The following ADAMTSL3 variants were observed in gnomAD, a reference collection of about 807,000 sequenced individuals.
ADAMTSL3 encodes the protein ADAMTS like 3, also known as ADAMTS-like protein 3.
A neutral mutation model predicts 201.7 loss-of-function variants in ADAMTSL3; 128 were observed. That is an observed-to-expected ratio of 0.63 (90% CI 0.55 to 0.73). The LOEUF (loss-of-function observed/expected upper bound fraction) is 0.73, where lower values mean the gene tolerates loss of function less well. ADAMTSL3 is among the 30% of genes least tolerant of loss of function. The probability of loss-of-function intolerance (pLI) is 0.00; values close to 1 mark genes in which losing one functional copy is unlikely to be tolerated. For synonymous variants in ADAMTSL3, 738 were observed against 748.4 expected, an observed-to-expected ratio of 0.99 and a Z score of 0.23; for missense variants, 1,990 against 2,119.6, an observed-to-expected ratio of 0.94 and a Z score of 1.20.
intron 19 of ADAMTSL3, chr15:83,945,661 G>C (rs1326643806): frequency 6.6e-6 from 1 of 152,172 alleles, no homozygotes; most frequent in Admixed American, 6.5e-5. Flanking sequence ...CATAAAGTTA[G>C]GGACAGAAGG....
chr15:83,918,009 AT>A (rs1379046906), intron 16 of ADAMTSL3, among the ~76,000 whole-genome samples: 1 of 152,188 alleles, frequency 6.6e-6, no homozygotes, highest in Non-Finnish European at 1.5e-5. Context: ...CTTTTTAAAA[AT>A]CTGACTAAAT....
Position 83,902,592 on chromosome 15 carries a change from T to A in ADAMTSL3, c.1700+2861T>A, listed in dbSNP as rs376677229. ...GCCAAGTCTAATTCTTTCTTTGCAA[T>A]GTTCAGAATATCCAAATGTCTCCCC... is the stretch of plus-strand genomic sequence containing the variant. On this transcript the variant is annotated intron_variant, in intron 15 of 29. Coordinates refer to ENST00000286744, the MANE Select transcript of ADAMTSL3 (RefSeq NM_207517.3). 2.0e-5 allele frequency among the ~76,000 whole-genome samples: 3 copies of A among 152,126 alleles called. No individual in the cohort carries two copies. The East Asian group carries it at 5.8e-4, about 29-fold the overall frequency.
intron 15 of ADAMTSL3, among the ~76,000 whole-genome samples, chr15:83,903,793 T>C (rs12914581): frequency 0.14 from 20,557 of 149,912 alleles, 1,861 homozygotes; most frequent in Middle Eastern, 0.33. Context: ...TGGTACATGC[T>C]TGTAGTCCCA....
intron 4 of ADAMTSL3, among the ~76,000 whole-genome samples, chr15:83,786,487 T>G (rs2141811076): frequency 6.6e-6 from 1 of 152,346 alleles, no homozygotes; most frequent in African/African-American, 2.4e-5. Flanking sequence ...TATTTTAAAA[T>G]GTACAATAAA....
At chr15:83,672,683 A>G (rs2061343398) in intron 2 of ADAMTSL3, among the ~76,000 whole-genome samples, 1 of 152,298 alleles carries the variant, frequency 6.6e-6, no homozygotes, top group East Asian at 1.9e-4. Flanking sequence ...GTTCAACCCA[A>G]ATTCCTTTCA....
intron 6 of ADAMTSL3, among the ~76,000 whole-genome samples, chr15:83,834,392 C>T (rs904831946): frequency 1.3e-5 from 2 of 152,178 alleles, no homozygotes; most frequent in African/African-American, 4.8e-5. Context: ...CTGACTACCA[C>T]AGCTCCATAT....
intron 3 of ADAMTSL3, among the ~76,000 whole-genome samples, chr15:83,732,041 A>C (rs1312378066): frequency 6.6e-6 from 1 of 152,082 alleles, no homozygotes; most frequent in Non-Finnish European, 1.5e-5. Flanking sequence ...AAATTTCACC[A>C]CACATACACA....
At chr15:84,028,593 G>T (rs950346359) in intron 27 of ADAMTSL3, among the ~76,000 whole-genome samples, 1 of 152,080 alleles carries the variant, frequency 6.6e-6, no homozygotes, top group African/African-American at 2.4e-5. Context: ...ACCCAAACTT[G>T]GCAGACATTT....
chr15:83,695,227 AATGTGTGTGTGTGTGTGTG>A (rs2061668021), intron 2 of ADAMTSL3, among the ~76,000 whole-genome samples: 6 of 474 alleles, frequency 0.013, no homozygotes, highest in African/African-American at 0.052. Context: ...GTGTGTGTGT[AATGTGTGTGTGTGTGTGTG>A]TGTGTGTGTG....
intron 6 of ADAMTSL3, among the ~76,000 whole-genome samples, chr15:83,831,063 A>G (rs1197065257): frequency 2.6e-5 from 4 of 152,342 alleles, no homozygotes; most frequent in African/African-American, 9.6e-5. Flanking sequence ...CAAAGGGGAC[A>G]GATTTTTGTG....
chr15:83,774,392 C>A (rs1224985213), intron 4 of ADAMTSL3, among the ~76,000 whole-genome samples: 2 of 152,322 alleles, frequency 1.3e-5, no homozygotes, highest in East Asian at 3.9e-4. Context: ...GCAGGGAGAG[C>A]ATATTTTGGC....
At chr15:83,769,774 A>T (rs1052012667) in intron 3 of ADAMTSL3, among the ~76,000 whole-genome samples, 21 of 151,186 alleles carry the variant, frequency 1.4e-4, no homozygotes, top group Admixed American at 4.0e-4. Context: ...TCCCTCTTTT[A>T]ATTTAATTTT....
At chr15:83,877,013 T>G (rs1450117142) in intron 9 of ADAMTSL3, among the ~76,000 whole-genome samples, 1 of 152,162 alleles carries the variant, frequency 6.6e-6, no homozygotes, top group East Asian at 1.9e-4. Context: ...AGGCTGGTCT[T>G]GAACTCCTGA....
chr15:84,036,050 C>T (rs1477473052), intron 28 of ADAMTSL3, among the ~76,000 whole-genome samples: 3 of 152,144 alleles, frequency 2.0e-5, no homozygotes, highest in Non-Finnish European at 2.9e-5. Flanking sequence ...ATCTTTGGAA[C>T]TGGGAAGACA....
chr15:83,819,785 A>G (rs1292357741), intron 5 of ADAMTSL3, 26 bp from the exon 6 acceptor site: 5 of 1,570,110 alleles, frequency 3.2e-6, no homozygotes, highest in Admixed American at 1.7e-5. Context: ...GGTGATGTGC[A>G]TGTGGCCTTT....
intron 20 of ADAMTSL3, among the ~76,000 whole-genome samples, chr15:83,979,334 T>A (rs1472928116): frequency 6.6e-6 from 1 of 152,218 alleles, no homozygotes; most frequent in Non-Finnish European, 1.5e-5. Flanking sequence ...ATCCATCTTT[T>A]ATATTGTCCA....
At chr15:83,750,830 A>C (rs993453353) in intron 3 of ADAMTSL3, among the ~76,000 whole-genome samples, 1 of 152,174 alleles carries the variant, frequency 6.6e-6, no homozygotes, top group African/African-American at 2.4e-5. Flanking sequence ...GATTACAGGC[A>C]TGAGCCACTG....
At chr15:83,956,376 T>A (rs1010475585) in intron 19 of ADAMTSL3, among the ~76,000 whole-genome samples, 1 of 152,214 alleles carries the variant, frequency 6.6e-6, no homozygotes, top group African/African-American at 2.4e-5. Context: ...TAAAAACAAG[T>A]ACTGTGATGG....
At chr15:83,880,103 A>G (rs1460497194) in intron 9 of ADAMTSL3, among the ~76,000 whole-genome samples, 1 of 151,906 alleles carries the variant, frequency 6.6e-6, no homozygotes, top group South Asian at 2.1e-4. Flanking sequence ...CAACTGGGCT[A>G]TGGTGTAATT....
Sources: gnomAD v4.1 joint callset for allele counts (sites outside exome capture counted in the v4.1 genomes callset) on GRCh38, gnomAD v4.1.1 for gene constraint, MANE v1.5 for transcripts, NCBI Gene and HGNC (gene_info 2026-07-23, HGNC 2026-07-21) for gene names.